The following VPS35L variants were observed in gnomAD, a reference collection of about 807,000 sequenced individuals.
VPS35L encodes VPS35 endosomal protein-sorting factor-like.
VPS35L carries 83 observed loss-of-function variants against 133.0 expected under a neutral mutation model. That is an observed-to-expected ratio of 0.62 (90% CI 0.52 to 0.75). VPS35L has a LOEUF of 0.75. Among genes scored for constraint, VPS35L ranks in the 30% least tolerant of loss-of-function variants. The pLI, the probability that VPS35L is intolerant of heterozygous loss-of-function variation, is 0.00. For missense variants in VPS35L, 1,083 were observed against 1,206.8 expected (o/e 0.90, Z 1.52); for synonymous variants, 423 against 449.9 (o/e 0.94, Z 0.76).
At chr16:19,563,521 T>A (rs1971091191) in intron 1 of VPS35L, among the ~76,000 whole-genome samples, 1 of 152,194 alleles carries the variant, frequency 6.6e-6, no homozygotes, top group Non-Finnish European at 1.5e-5. Context: ...ACATTCTCTC[T>A]CTCCTCCTCT....
chr16:19,573,853 A>T (rs1233310184), intron 4 of VPS35L, among the ~76,000 whole-genome samples: 1 of 152,152 alleles, frequency 6.6e-6, no homozygotes, highest in East Asian at 1.9e-4. Flanking sequence ...AAATGAATTA[A>T]GGGAGGAGAG....
rs922996720 is a variant in VPS35L at position 19,633,437 on chromosome 16, G to A, written c.1635+265G>A. ...AAGCCCTCACACAGTGGCCTGGCAC[G>A]TGGTAAATGCTCAATAAGCGTTGTC... is the stretch of plus-strand genomic sequence containing the variant. On this transcript the variant is annotated intron_variant, in intron 19 of 30. Transcript: ENST00000417362. This position sits in a 1 kb window ranked among gnomAD's most constrained non-coding sequence, Gnocchi z 4.1. Among the ~76,000 whole-genome samples, 12 of 152,208 alleles carry A rather than the reference G, an allele frequency of 7.9e-5. No individual in the cohort carries two copies. In the South Asian group the frequency reaches 1.4e-3, roughly 18 times the overall value.
At chr16:19,605,905 CTGT>C (rs1310419986) in intron 9 of VPS35L, among the ~76,000 whole-genome samples, 1 of 152,194 alleles carries the variant, frequency 6.6e-6, no homozygotes, top group Non-Finnish European at 1.5e-5. Flanking sequence ...ACCTTGTGCA[CTGT>C]TATCTCCCCA....
chr16:19,593,092 C>A (rs1972095143), intron 8 of VPS35L, among the ~76,000 whole-genome samples: 1 of 152,126 alleles, frequency 6.6e-6, no homozygotes, highest in South Asian at 2.1e-4. Flanking sequence ...GGTAGAGAGA[C>A]CTTTTGGAGC....
intron 29 of VPS35L, among the ~76,000 whole-genome samples, chr16:19,692,723 C>T (rs750771889): frequency 1.5e-4 from 23 of 152,064 alleles, no homozygotes; most frequent in Admixed American, 5.9e-4. Flanking sequence ...CCACCACACC[C>T]GGCTAATTTT....
chr16:19,564,205 G>A (rs1428587385), intron 1 of VPS35L, among the ~76,000 whole-genome samples: 2 of 152,014 alleles, frequency 1.3e-5, no homozygotes, highest in Non-Finnish European at 2.9e-5. Flanking sequence ...AGCCTCCCAA[G>A]TAGCTGGGAT....
chr16:19,696,128 C>T (rs1027584042), intron 29 of VPS35L, among the ~76,000 whole-genome samples: 4 of 152,204 alleles, frequency 2.6e-5, no homozygotes, highest in Admixed American at 2.6e-4. Flanking sequence ...TCATGATGCG[C>T]CCGCCTCAGC....
At chr16:19,586,021 C>T (rs894929204) in intron 7 of VPS35L, among the ~76,000 whole-genome samples, 15 of 152,052 alleles carry the variant, frequency 9.9e-5, no homozygotes, top group Admixed American at 5.2e-4. Flanking sequence ...CCTCAGCCTC[C>T]CCAGTAGCTA....
chr16:19,658,918 G>A (rs939771044), intron 26 of VPS35L, among the ~76,000 whole-genome samples: 1 of 150,442 alleles, frequency 6.6e-6, no homozygotes, highest in Non-Finnish European at 1.5e-5. Flanking sequence ...TAGGTAGGTG[G>A]TTTATCTTTA....
intron 8 of VPS35L, among the ~76,000 whole-genome samples, chr16:19,599,537 C>CT (rs10709909): frequency 1.0e-3 from 151 of 145,570 alleles, no homozygotes; most frequent in Middle Eastern, 3.5e-3. Context: ...CTCCAAAATA[C>CT]TTTTTTTTTT....
chr16:19,653,018 GT>G (rs1974183735), intron 26 of VPS35L, among the ~76,000 whole-genome samples: 1 of 152,202 alleles, frequency 6.6e-6, no homozygotes, highest in South Asian at 2.1e-4. Context: ...TGAACAGGTC[GT>G]TCCTGTGGGC....
chr16:19,557,288 C>G (rs949887345), intron 1 of VPS35L, among the ~76,000 whole-genome samples: 2 of 152,164 alleles, frequency 1.3e-5, no homozygotes, highest in Non-Finnish European at 2.9e-5. Context: ...TACATTTCTA[C>G]CTTTGGAATT....
At chr16:19,586,260 A>G (rs1971860117) in intron 7 of VPS35L, among the ~76,000 whole-genome samples, 1 of 151,808 alleles carries the variant, frequency 6.6e-6, no homozygotes. Context: ...AGGATCTCCT[A>G]CTCTGTGGCT....
intron 2 of VPS35L, chr16:19,569,194 T>A: frequency 1.5e-6 from 1 of 686,584 alleles, no homozygotes. Flanking sequence ...TCTCAATTAA[T>A]TTTTTTAACA....
intron 7 of VPS35L, among the ~76,000 whole-genome samples, chr16:19,590,958 T>C (rs566119202): frequency 6.6e-6 from 1 of 152,130 alleles, no homozygotes; most frequent in South Asian, 2.1e-4. Context: ...TTATCTCTAA[T>C]AAAATAATAA....
chr16:19,580,358 C>A (rs984204627), intron 6 of VPS35L, among the ~76,000 whole-genome samples: 1 of 151,718 alleles, frequency 6.6e-6, no homozygotes, highest in East Asian at 2.0e-4. Context: ...GTGATCCACC[C>A]GCCTCAGCCT....
At chr16:19,600,508 G>C (rs143386538) in intron 8 of VPS35L, among the ~76,000 whole-genome samples, 23 of 152,304 alleles carry the variant, frequency 1.5e-4, no homozygotes, top group Admixed American at 7.2e-4. Flanking sequence ...TTATGCTACA[G>C]TGGCAAAGAT....
intron 29 of VPS35L, among the ~76,000 whole-genome samples, chr16:19,693,408 A>G (rs1975772007): frequency 6.6e-6 from 1 of 152,134 alleles, no homozygotes. Flanking sequence ...TGGGAGGCCC[A>G]GGTGGGAGGA....
chr16:19,664,906 AAAAAAAAC>A (rs1371966975), intron 26 of VPS35L, among the ~76,000 whole-genome samples: 2 of 152,004 alleles, frequency 1.3e-5, no homozygotes, highest in African/African-American at 2.4e-5. Flanking sequence ...TCTAAAAAAA[AAAAAAAAC>A]AAAAAAACAT....
Sources: gnomAD v4.1 joint callset for allele counts (sites outside exome capture counted in the v4.1 genomes callset) on GRCh38, gnomAD v4.1.1 for gene constraint, Gnocchi (gnomAD v3.1) non-coding constraint, MANE v1.5 for transcripts, NCBI Gene and HGNC (gene_info 2026-07-23, HGNC 2026-07-21) for gene names.